C12orf56: variants seen among roughly 807,000 people sequenced by gnomAD.
C12orf56 encodes uncharacterized protein C12orf56.
Under a neutral mutation model 69.9 loss-of-function variants are expected in C12orf56, and 71 were observed. The observed-to-expected ratio is 1.02, with a 90% CI of 0.84 to 1.24. The LOEUF (loss-of-function observed/expected upper bound fraction) is 1.24. Ranked by LOEUF, C12orf56 falls within the 50% of genes most tolerant of loss-of-function variation. C12orf56 has a pLI of 0.00. For missense variants in C12orf56, 732 were observed against 738.5 expected (o/e 0.99, Z 0.10); for synonymous variants, 276 against 274.1 (o/e 1.01, Z -0.07).
At chr12:64,297,088 A>G (rs963608164) in intron 6 of C12orf56, among the ~76,000 whole-genome samples, 3 of 152,190 alleles carry the variant, frequency 2.0e-5, no homozygotes, top group African/African-American at 7.2e-5. Context: ...CCACCCCAGT[A>G]TGGGTTTCTA....
At chr12:64,373,436 C>T (rs927508901) in intron 1 of C12orf56, among the ~76,000 whole-genome samples, 5 of 152,070 alleles carry the variant, frequency 3.3e-5, no homozygotes, top group African/African-American at 1.2e-4. Flanking sequence ...GGCAACAGTG[C>T]AAGACCTGTC....
At chr12:64,322,620 A>C (rs1345009640) in intron 3 of C12orf56, among the ~76,000 whole-genome samples, 1 of 152,070 alleles carries the variant, frequency 6.6e-6, no homozygotes, top group Non-Finnish European at 1.5e-5. Flanking sequence ...GGAGTTCAAG[A>C]CCAACCTGGC....
intron 8 of C12orf56, among the ~76,000 whole-genome samples, chr12:64,279,171 C>T (rs190968956): frequency 2.4e-4 from 37 of 152,290 alleles, no homozygotes; most frequent in African/African-American, 8.4e-4. Context: ...CTGCCCACCT[C>T]AGCCTCTCAA....
chr12:64,281,271 T>G (rs1224042418), intron 8 of C12orf56, among the ~76,000 whole-genome samples: 1 of 150,124 alleles, frequency 6.7e-6, no homozygotes, highest in African/African-American at 2.5e-5. Context: ...AAACTCTGTC[T>G]CAAAAAAAGA....
chr12:64,375,238 G>A (rs2039625441), intron 1 of C12orf56, among the ~76,000 whole-genome samples: 1 of 151,518 alleles, frequency 6.6e-6, no homozygotes, highest in South Asian at 2.1e-4. Flanking sequence ...TGTATTTTTA[G>A]TAGAGACAGT....
At chr12:64,330,425 G>A (rs1031582277) in intron 3 of C12orf56, among the ~76,000 whole-genome samples, 3 of 152,030 alleles carry the variant, frequency 2.0e-5, no homozygotes, top group South Asian at 4.1e-4. Flanking sequence ...ATCTCCAGGC[G>A]CCCTATTCCT....
At chr12:64,317,843 C>G (rs1008766501) in intron 4 of C12orf56, among the ~76,000 whole-genome samples, 2 of 152,060 alleles carry the variant, frequency 1.3e-5, no homozygotes, top group African/African-American at 4.8e-5. Flanking sequence ...ACAAATTTAT[C>G]TGATCCTATA....
chr12:64,364,572 C>G (rs887963920), intron 1 of C12orf56, among the ~76,000 whole-genome samples: 2 of 152,068 alleles, frequency 1.3e-5, no homozygotes, highest in Admixed American at 6.6e-5. Flanking sequence ...ACACTTTGTA[C>G]ATGTTGTCGC....
chr12:64,276,872 T>TA (rs1167338591), intron 9 of C12orf56, among the ~76,000 whole-genome samples: 1 of 151,652 alleles, frequency 6.6e-6, no homozygotes, highest in Admixed American at 6.6e-5. Flanking sequence ...CTCATGCCTG[T>TA]AGTCCTAGCT....
intron 1 of C12orf56, among the ~76,000 whole-genome samples, chr12:64,374,437 AAT>A (rs2039613722): frequency 6.6e-6 from 1 of 152,186 alleles, no homozygotes; most frequent in Admixed American, 6.6e-5. Flanking sequence ...CTCTAAGAAT[AAT>A]ATATCACTCA....
chr12:64,356,507 G>A (rs1250792219), intron 1 of C12orf56, among the ~76,000 whole-genome samples: 2 of 152,174 alleles, frequency 1.3e-5, no homozygotes, highest in East Asian at 3.9e-4. Context: ...TCCCCTGTTG[G>A]CTAGGGTTGG....
intron 1 of C12orf56, among the ~76,000 whole-genome samples, chr12:64,358,504 A>AG (rs2039354507): frequency 8.1e-6 from 1 of 123,962 alleles, no homozygotes; most frequent in Admixed American, 8.7e-5. Context: ...CATCATCATC[A>AG]TCATCTTGGC....
chr12:64,298,545 G>A (rs1259675888), intron 6 of C12orf56, among the ~76,000 whole-genome samples: 1 of 152,142 alleles, frequency 6.6e-6, no homozygotes, highest in Non-Finnish European at 1.5e-5. Context: ...TCCACCTTGA[G>A]TTAATTTTTG....
At chr12:64,340,118 A>G (rs2039055718) in intron 2 of C12orf56, among the ~76,000 whole-genome samples, 2 of 152,124 alleles carry the variant, frequency 1.3e-5, no homozygotes, top group East Asian at 1.9e-4. Context: ...CCGAGTTCCA[A>G]AACTGAAGAA....
chr12:64,352,666 G>A (rs1340137922), intron 2 of C12orf56, among the ~76,000 whole-genome samples: 1 of 152,132 alleles, frequency 6.6e-6, no homozygotes, highest in East Asian at 1.9e-4. Context: ...AATCTGTGAG[G>A]TGAGAGCCAG....
At chr12:64,343,567 T>G (rs2039102345) in intron 2 of C12orf56, among the ~76,000 whole-genome samples, 1 of 152,212 alleles carries the variant, frequency 6.6e-6, no homozygotes. Flanking sequence ...CCAGGAGATG[T>G]GTTAATTTGC....
At chr12:64,369,857 C>A (rs1256084159) in intron 1 of C12orf56, among the ~76,000 whole-genome samples, 1 of 151,530 alleles carries the variant, frequency 6.6e-6, no homozygotes, top group Non-Finnish European at 1.5e-5. Flanking sequence ...GTGATGCACG[C>A]CTATAATCCC....
intron 2 of C12orf56, among the ~76,000 whole-genome samples, chr12:64,331,783 GAAAC>G (rs1397980481): frequency 6.6e-6 from 1 of 152,124 alleles, no homozygotes; most frequent in Non-Finnish European, 1.5e-5. Context: ...AGAACTGTGA[GAAAC>G]AAATTTCTGT....
At chr12:64,326,704 C>T (rs2038846526) in intron 3 of C12orf56, among the ~76,000 whole-genome samples, 1 of 150,266 alleles carries the variant, frequency 6.7e-6, no homozygotes, top group Non-Finnish European at 1.5e-5. Flanking sequence ...TGAGCCACTG[C>T]ACTCCAGCCT....
Sources: allele counts gnomAD v4.1 joint callset (sites outside exome capture counted in the v4.1 genomes callset), GRCh38; gene constraint gnomAD v4.1.1; transcripts MANE v1.5; gene names NCBI Gene and HGNC (gene_info 2026-07-23, HGNC 2026-07-21).